Variants in ARHGAP42 observed in about 807,000 individuals in gnomAD.
The protein encoded by ARHGAP42 is Rho GTPase activating protein 42, also known as rho GTPase-activating protein 42.
A neutral mutation model predicts 125.0 loss-of-function variants in ARHGAP42; 63 were observed. The observed-to-expected ratio is 0.50, with a 90% CI of 0.41 to 0.62. The LOEUF (loss-of-function observed/expected upper bound fraction) is 0.62. Ranked by LOEUF, ARHGAP42 falls within the 20% of genes least tolerant of loss-of-function variation. The pLI is 0.00. For synonymous variants in ARHGAP42, 339 were observed against 351.0 expected, an observed-to-expected ratio of 0.97 and a Z score of 0.38; for missense variants, 766 against 1,024.2, an observed-to-expected ratio of 0.75 and a Z score of 3.44.
In ARHGAP42 at chr11:100,975,408, C is replaced by T. The variant is rs547549223; in HGVS notation, c.1856-649C>T. On this transcript the variant is annotated intron_variant, in intron 19 of 23. Coordinates refer to ENST00000298815, the MANE Select transcript of ARHGAP42 (RefSeq NM_152432.4). ...TTTTTAATTTAGATATATGTGAATG[C>T]ATTATTATGCTTTATCTGATTTTTC... Among the ~76,000 whole-genome samples, 28 of 152,170 alleles carry T rather than the reference C, an allele frequency of 1.8e-4. 1 individual carries two copies. In the East Asian group the frequency reaches 5.4e-3, roughly 29 times the overall value.
At chr11:100,740,234 A>AGACCTG (rs1862155593) in intron 1 of ARHGAP42, among the ~76,000 whole-genome samples, 1 of 152,178 alleles carries the variant, frequency 6.6e-6, no homozygotes, top group African/African-American at 2.4e-5. Flanking sequence ...CTTTTAAAAA[A>AGACCTG]GACCTGGTCA....
chr11:100,860,026 A>G (rs1865409852), intron 4 of ARHGAP42: 1 of 153,158 alleles, frequency 6.5e-6, no homozygotes, highest in East Asian at 1.9e-4. Flanking sequence ...TGTTTCTGAA[A>G]AAATTTAGAA....
At chr11:100,714,185 A>G (rs1861612223) in intron 1 of ARHGAP42, among the ~76,000 whole-genome samples, 1 of 152,188 alleles carries the variant, frequency 6.6e-6, no homozygotes, top group Non-Finnish European at 1.5e-5. Context: ...CAGAGCTTTT[A>G]TATGATCTAA....
In ARHGAP42 at chr11:100,913,564, C is replaced by G. The variant is rs563139813; in HGVS notation, c.486+11C>G. ...TCTCATTTACAAGAGGTAAGCTTTT[C>G]CAACTGAAATAATGGAAAAGGCATT... is the stretch of plus-strand genomic sequence containing the variant. On this transcript the variant is annotated intron_variant, in intron 5 of 23. Transcript: ENST00000298815. 112 of 1,259,004 alleles carry G rather than the reference C, an allele frequency of 8.9e-5. No individual in the cohort carries two copies. The African/African-American group carries it at 1.6e-3, about 18-fold the overall frequency. The allele number at this position is 1,259,004 out of a possible 1,614,324, so 78.0% of individuals were successfully genotyped here.
At chr11:100,736,720 G>T (rs1862075780) in intron 1 of ARHGAP42, among the ~76,000 whole-genome samples, 1 of 152,182 alleles carries the variant, frequency 6.6e-6, no homozygotes, top group Non-Finnish European at 1.5e-5. Context: ...AAAGGATCTT[G>T]ACGTGTTACT....
intron 2 of ARHGAP42, among the ~76,000 whole-genome samples, chr11:100,775,112 TG>T (rs1248766482): frequency 6.6e-6 from 1 of 152,174 alleles, no homozygotes; most frequent in Non-Finnish European, 1.5e-5. Context: ...AGGTGAGCTT[TG>T]GCCTGTTCCC....
intron 1 of ARHGAP42, among the ~76,000 whole-genome samples, chr11:100,751,432 C>A (rs1002266653): frequency 1.3e-5 from 2 of 151,844 alleles, no homozygotes; most frequent in Non-Finnish European, 2.9e-5. Flanking sequence ...TACAGGCATG[C>A]ACTACCATAC....
intron 3 of ARHGAP42, among the ~76,000 whole-genome samples, chr11:100,850,796 C>G (rs11224485): frequency 0.27 from 40,958 of 151,058 alleles, 5,818 homozygotes; most frequent in Non-Finnish European, 0.31. Context: ...GTTTCCCTAA[C>G]AACATTGGCA....
At chr11:100,715,104 T>C (rs866736917) in intron 1 of ARHGAP42, among the ~76,000 whole-genome samples, 1 of 147,966 alleles carries the variant, frequency 6.8e-6, no homozygotes, top group East Asian at 2.0e-4. Context: ...ACTTTGTATC[T>C]CAAATTAATT....
At chr11:100,951,472 A>G (rs1359940065) in intron 12 of ARHGAP42, among the ~76,000 whole-genome samples, 1 of 152,168 alleles carries the variant, frequency 6.6e-6, no homozygotes, top group African/African-American at 2.4e-5. Flanking sequence ...GTTTTCTAAC[A>G]TTAGTTTGAT....
rs111816630 is a variant in ARHGAP42, at chr11:100,972,516, TTGGATGGATGGA to T, written c.1551-638_1551-627del. 3.3e-3 allele frequency among the ~76,000 whole-genome samples: 492 copies of T among 150,280 alleles called. 3 individuals are homozygous for T. Among genetic ancestry groups the T allele is most frequent in the African/African-American group, 0.011 (457 of 40,936 alleles). ...TACTAGGGAGGTACTCAGGGAAGTT[TTGGATGGATGGA>T]TGGATGGATGGATGGATGGAAAGAG... On this transcript the variant is annotated intron_variant, in intron 17 of 23. Transcript: ENST00000298815.
rs117550804 is a variant in ARHGAP42, at chr11:100,769,374, G to T, written c.155-969G>T. On this transcript the variant is annotated intron_variant, in intron 1 of 23. Coordinates refer to ENST00000298815, the MANE Select transcript of ARHGAP42 (RefSeq NM_152432.4). ...TCTGCATTCTTAATCACTCGGTTAG[G>T]TTGCATCCTGGGCTGTTGACTCCCA... Among the ~76,000 whole-genome samples, 13 of 152,234 alleles carry T rather than the reference G, an allele frequency of 8.5e-5. No homozygotes were observed. The East Asian group carries it at 2.5e-3, about 29-fold the overall frequency.
At chr11:100,738,135 T>G (rs1382122549) in intron 1 of ARHGAP42, among the ~76,000 whole-genome samples, 3 of 152,142 alleles carry the variant, frequency 2.0e-5, no homozygotes, top group Non-Finnish European at 4.4e-5. Flanking sequence ...TTTCTGTGAG[T>G]CAAGAAAATA....
intron 3 of ARHGAP42, among the ~76,000 whole-genome samples, chr11:100,824,868 C>G (rs1864479717): frequency 6.6e-6 from 1 of 152,170 alleles, no homozygotes; most frequent in Non-Finnish European, 1.5e-5. Flanking sequence ...GGTTTCTTTC[C>G]CATTCTAAGC....
chr11:100,828,105 C>T (rs1864569220), intron 3 of ARHGAP42, among the ~76,000 whole-genome samples: 1 of 152,146 alleles, frequency 6.6e-6, no homozygotes, highest in South Asian at 2.1e-4. Flanking sequence ...TTCCAGGGGT[C>T]CTGCTGTTGA....
At chr11:100,725,639 T>TA (rs950525562) in intron 1 of ARHGAP42, among the ~76,000 whole-genome samples, 8 of 48,444 alleles carry the variant, frequency 1.7e-4, no homozygotes, top group South Asian at 1.0e-3. Flanking sequence ...AAAATAATAA[T>TA]AAAAAAAAGC....
chr11:100,855,867 T>C (rs1425476506), intron 3 of ARHGAP42, among the ~76,000 whole-genome samples: 2 of 152,138 alleles, frequency 1.3e-5, no homozygotes, highest in Non-Finnish European at 2.9e-5. Context: ...AACCAATATC[T>C]ATAAAAATAA....
intron 4 of ARHGAP42, among the ~76,000 whole-genome samples, chr11:100,901,853 T>G (rs1433897513): frequency 6.6e-6 from 1 of 152,226 alleles, no homozygotes; most frequent in East Asian, 1.9e-4. Context: ...GGAAATCCCC[T>G]GGCCCCTTGA....
chr11:100,968,345 C>A (rs1238154428), intron 17 of ARHGAP42, among the ~76,000 whole-genome samples: 1 of 151,854 alleles, frequency 6.6e-6, no homozygotes, highest in African/African-American at 2.4e-5. Flanking sequence ...TTTTTGTTTT[C>A]TATATGTTTC....
Sources: gnomAD v4.1 joint callset for allele counts (sites outside exome capture counted in the v4.1 genomes callset) on GRCh38, gnomAD v4.1.1 for gene constraint, MANE v1.5 for transcripts, NCBI Gene and HGNC (gene_info 2026-07-23, HGNC 2026-07-21) for gene names.